The following PPP2R1B variants were observed in gnomAD, a reference collection of about 807,000 sequenced individuals.
PPP2R1B encodes protein phosphatase 2 scaffold subunit Abeta.
In PPP2R1B, 58 loss-of-function variants were observed where a neutral mutation model predicts 72.7. That is an observed-to-expected ratio of 0.80 (90% CI 0.65 to 0.99). The LOEUF is 0.99. PPP2R1B is among the 50% of genes least tolerant of loss of function. PPP2R1B has a pLI of 0.00. For synonymous variants in PPP2R1B, 256 were observed against 264.6 expected, an observed-to-expected ratio of 0.97 and a Z score of 0.32; for missense variants, 695 against 733.6, an observed-to-expected ratio of 0.95 and a Z score of 0.61.
the PPP2R1B span, among the ~76,000 whole-genome samples, chr11:111,707,384 AGGGTTCAGATACATAAACG>A: frequency 6.6e-6 from 1 of 152,220 alleles, no homozygotes; most frequent in Non-Finnish European, 1.5e-5. Flanking sequence ...AATTTGGCTT[AGGGTTCAGATACATAAACG>A]TGACTTCTTA....
the PPP2R1B span, chr11:111,719,938 G>T: frequency 6.2e-7 from 1 of 1,614,006 alleles, no homozygotes; most frequent in Non-Finnish European, 8.5e-7. Context: ...CAGTCCACAC[G>T]CAGCGGGCAG....
At chr11:111,705,147 C>A in the PPP2R1B span, 1 of 1,553,984 alleles carries the variant, frequency 6.4e-7, no homozygotes, top group Admixed American at 2.3e-5. The surrounding 1 kb of genome is among the most constrained non-coding windows in gnomAD (Gnocchi z 4.3). Context: ...AAGGTAATGC[C>A]CCCTTAGCTG....
chr11:111,742,489 A>G (rs370157691), intron 13 of PPP2R1B, 34 bp downstream of exon 13: 1 of 1,591,214 alleles, frequency 6.3e-7, no homozygotes, highest in Admixed American at 1.7e-5. Flanking sequence ...TTTAAAGTAC[A>G]CTTTTAAAAC....
intron 1 of PPP2R1B, chr11:111,766,039 C>T: frequency 1.7e-6 from 1 of 604,812 alleles, no homozygotes. Flanking sequence ...CTCAGGGGGT[C>T]CGAAGCAAGG....
chr11:111,724,012 G>A (rs775262173), downstream of PPP2R1B: 4 of 1,614,182 alleles, frequency 2.5e-6, no homozygotes, highest in Non-Finnish European at 3.4e-6. Flanking sequence ...GCCCAGGACT[G>A]CAAGAGGCCC....
chr11:111,761,203 T>A, intron 3 of PPP2R1B, 152 bp from the exon 4 acceptor site: 1 of 761,462 alleles, frequency 1.3e-6, no homozygotes, highest in Non-Finnish European at 2.3e-6. Flanking sequence ...GCTCACACAG[T>A]GATAACATAT....
chr11:111,727,231 G>A (rs1261881250), intron 15 of PPP2R1B: 15 of 626,608 alleles, frequency 2.4e-5, no homozygotes, highest in African/African-American at 5.5e-5. Flanking sequence ...GAATCCCTGC[G>A]TGGGAGAGCA....
the PPP2R1B span, among the ~76,000 whole-genome samples, chr11:111,688,704 GTTGT>G: frequency 6.6e-6 from 1 of 152,172 alleles, no homozygotes; most frequent in Admixed American, 6.5e-5. The surrounding 1 kb of genome is among the most constrained non-coding windows in gnomAD (Gnocchi z 4.2). Context: ...CCTTTTCACA[GTTGT>G]AAAATGTTTT....
At chr11:111,696,515 A>C in the PPP2R1B span, among the ~76,000 whole-genome samples, 1 of 152,232 alleles carries the variant, frequency 6.6e-6, no homozygotes, top group African/African-American at 2.4e-5. Flanking sequence ...TTATAATAGC[A>C]AGCAGAATGT....
In PPP2R1B at chr11:111,765,360, ACTT is replaced by A; in HGVS notation, c.136_138del (p.Lys46del). 1 of 1,613,068 alleles carries A rather than the reference ACTT, an allele frequency of 6.2e-7. No homozygotes were observed. Among genetic ancestry groups the A allele is most frequent in the South Asian group, 1.1e-5 (1 of 90,830 alleles). On this transcript the variant is annotated inframe_deletion, in exon 2 of 15. Transcript: ENST00000527614. ...CCAAGTGCTAGGGCAATTGTTGATA[ACTT>A]CTTAATACTGTTGAGTCGGAGCTTC... is the stretch of plus-strand genomic sequence containing the variant.
chr11:111,741,963 C>T (rs1458901202), intron 14 of PPP2R1B, 90 bp downstream of exon 14: 2 of 1,109,722 alleles, frequency 1.8e-6, no homozygotes, highest in Non-Finnish European at 2.8e-6. Context: ...TAATACTTAT[C>T]ATCCTACCCA....
downstream of PPP2R1B, among the ~76,000 whole-genome samples, chr11:111,733,481 TCA>T (rs1274367414): frequency 6.6e-6 from 1 of 151,938 alleles, no homozygotes; most frequent in Non-Finnish European, 1.5e-5. Context: ...GAGAACTGAG[TCA>T]CTCTCTCCTC....
intron 15 of PPP2R1B, among the ~76,000 whole-genome samples, chr11:111,731,745 ACT>A (rs1352110405): frequency 2.6e-5 from 4 of 152,202 alleles, no homozygotes; most frequent in East Asian, 3.9e-4. Flanking sequence ...CTGCTGCCTG[ACT>A]CTGCTGACAA....
At chr11:111,711,966 A>G in the PPP2R1B span, among the ~76,000 whole-genome samples, 1 of 152,212 alleles carries the variant, frequency 6.6e-6, no homozygotes, top group African/African-American at 2.4e-5. Context: ...CGTGAAAGTC[A>G]AGCATCCCCT....
chr11:111,688,093 A>C, the PPP2R1B span: 49 of 1,614,044 alleles, frequency 3.0e-5, no homozygotes, highest in Non-Finnish European at 3.6e-5. The surrounding 1 kb of genome is among the most constrained non-coding windows in gnomAD (Gnocchi z 4.2). Context: ...TCATGGTCGG[A>C]AGATTGTGCA....
chr11:111,742,112 T>G lies in PPP2R1B; in HGVS notation c.1730A>C (p.Gln577Pro), dbSNP rs1242434420. ...CATGTCTTCATCTTGACCTAACTTCTGTAGTACTGGCTTCACTTCTCCCTG... is the reference window on the plus strand; with the variant it reads ...CATGTCTTCATCTTGACCTAACTTCGGTAGTACTGGCTTCACTTCTCCCTG... Reference protein sequence around the residue: ...ALQGEVKPVLQKLGQDEDMDV... With the variant: ...ALQGEVKPVLPKLGQDEDMDV... The change falls in exon 14 of 15, where the codon CAG becomes CCG. Residue 577 changes from glutamine (Q) to proline (P), a missense_variant. Transcript: ENST00000527614. 2 of 1,613,746 alleles carry G rather than the reference T, an allele frequency of 1.2e-6. No individual in the cohort carries two copies. The highest frequency in any genetic ancestry group is 1.7e-6 in the Non-Finnish European group (2 of 1,179,802).
chr11:111,757,593 T>C (rs989110317), intron 5 of PPP2R1B, among the ~76,000 whole-genome samples: 5 of 152,178 alleles, frequency 3.3e-5, no homozygotes, highest in Non-Finnish European at 7.3e-5. Context: ...CCCAGCACTT[T>C]GGGAGGCCAA....
the PPP2R1B span, among the ~76,000 whole-genome samples, chr11:111,692,350 CAAAAAAAAAAAAAAAAAAAAAA>C: frequency 4.7e-3 from 124 of 26,486 alleles, no homozygotes; most frequent in Non-Finnish European, 7.0e-3. Context: ...GACTCAGTCT[CAAAAAAAAAAAAAAAAAAAAAA>C]AAAAAAAAAA....
intron 9 of PPP2R1B, 139 bp downstream of exon 9, chr11:111,753,304 C>T: frequency 8.5e-7 from 1 of 1,182,672 alleles, no homozygotes; most frequent in Non-Finnish European, 1.2e-6. Context: ...CCCAAAATCA[C>T]AGGTGTCATT....
Sources: gnomAD v4.1 joint callset for allele counts (sites outside exome capture counted in the v4.1 genomes callset) on GRCh38, gnomAD v4.1.1 for gene constraint, Gnocchi (gnomAD v3.1) non-coding constraint, MANE v1.5 for transcripts, NCBI Gene and HGNC (gene_info 2026-07-23, HGNC 2026-07-21) for gene names.